The following DENND6B variants were observed in gnomAD, a reference collection of about 807,000 sequenced individuals.
DENND6B encodes the protein protein DENND6B.
In DENND6B, 73 loss-of-function variants were observed where a neutral mutation model predicts 85.1. That is an observed-to-expected ratio of 0.86 (90% CI 0.71 to 1.04). The LOEUF is 1.04. DENND6B is among the 50% of genes least tolerant of loss of function. The probability of loss-of-function intolerance (pLI) is 0.00; values close to 1 mark genes in which losing one functional copy is unlikely to be tolerated. For synonymous variants in DENND6B, 357 were observed against 329.3 expected (o/e 1.08, Z -0.91); for missense variants, 715 against 785.8 (o/e 0.91, Z 1.08).
At chr22:50,322,619 C>T (rs961956527) in intron 1 of DENND6B, among the ~76,000 whole-genome samples, 5 of 151,440 alleles carry the variant, frequency 3.3e-5, no homozygotes, top group African/African-American at 7.3e-5. Context: ...GCGTGATCTC[C>T]GCTCACTGCA....
rs530302697 is a variant in DENND6B at position 50,316,991 on chromosome 22, G to A, written c.453+302C>T. On this transcript the variant is annotated intron_variant, in intron 5 of 19. Transcript: ENST00000413817. ...CGGCGAGGACAGGGCGGGGGGCCCC[G>A]AGGACAGGGTGGGGGGGGGCGGCGA... The A allele has an allele frequency of 7.5e-5, 5 of 67,078 alleles. No individual in the cohort carries two copies. In the African/African-American group the frequency reaches 2.4e-3, roughly 32 times the overall value. 4.2% of individuals were successfully genotyped at this position (67,078 alleles called of 1,614,324 possible). A position where few individuals can be genotyped will look rare whatever the true frequency, so the allele number is the denominator to read the frequency against.
At chr22:50,317,512 C>T in intron 4 of DENND6B, 139 bp from the exon 5 acceptor site, 12 of 980,594 alleles carry the variant, frequency 1.2e-5, no homozygotes, top group Admixed American at 4.1e-5. Context: ...AGCTGCTGTC[C>T]GTGCACTCTG....
chr22:50,320,163 C>T (rs939362116), intron 1 of DENND6B, among the ~76,000 whole-genome samples: 1 of 152,232 alleles, frequency 6.6e-6, no homozygotes, highest in African/African-American at 2.4e-5. Flanking sequence ...AAGGCTTCTT[C>T]CAAGGTGTGC....
intron 15 of DENND6B, 59 bp from the exon 16 acceptor site, chr22:50,313,558 C>T (rs536110566): frequency 8.4e-5 from 120 of 1,427,352 alleles, no homozygotes; most frequent in African/African-American, 7.3e-4. Context: ...CCCCATCCCC[C>T]GCAGCCCCGT....
Position 50,312,215 on chromosome 22 carries a change from T to A in DENND6B, c.1682A>T (p.Gln561Leu). ...HQLPVKEATL[Q>L]RAQLYIETVI... ...CGTCTCGATGTACAGCTGTGCCCGC[T>A]GCAGCGTAGCCTCCTTCACAGGGAG... Residue 561 changes from glutamine to leucine, a missense_variant, in exon 20 of 20, where the codon CAG becomes CTG. Transcript: ENST00000413817. The A allele has an allele frequency of 6.2e-7, 1 of 1,612,406 alleles. No individual in the cohort carries two copies.
At chr22:50,314,558 A>G (rs756459652) in intron 11 of DENND6B, 47 bp downstream of exon 11, 6 of 1,554,338 alleles carry the variant, frequency 3.9e-6, no homozygotes, top group Non-Finnish European at 5.2e-6. Flanking sequence ...GAAGGGCGAG[A>G]GGCAGGGCGG....
At chr22:50,324,327 A>G (rs2042134401) in intron 1 of DENND6B, among the ~76,000 whole-genome samples, 1 of 152,222 alleles carries the variant, frequency 6.6e-6, no homozygotes, top group Admixed American at 6.5e-5. Context: ...TCACTGGCAC[A>G]TAGTGTGAAC....
chr22:50,318,748 G>A, intron 3 of DENND6B, 99 bp downstream of exon 3: 1 of 1,531,680 alleles, frequency 6.5e-7, no homozygotes, highest in African/African-American at 1.4e-5. Flanking sequence ...GGCACTCTGG[G>A]CACCGGGGCA....
chr22:50,316,748 G>A (rs2041833733), intron 5 of DENND6B: 4 of 1,389,832 alleles, frequency 2.9e-6, no homozygotes, highest in Non-Finnish European at 3.8e-6. Context: ...AGAATTTCTA[G>A]AACGACCTCC....
chr22:50,311,691 TCCCATC>T lies in DENND6B; in HGVS notation c.*442_*447del, dbSNP rs2068062495. 2 of 186,982 alleles carry T rather than the reference TCCCATC, an allele frequency of 1.1e-5. No individual in the cohort carries two copies. Among genetic ancestry groups the T allele is most frequent in the African/African-American group, 4.7e-5 (2 of 42,516 alleles). 11.6% of individuals were successfully genotyped at this position (186,982 alleles called of 1,614,324 possible). A position where few individuals can be genotyped will look rare whatever the true frequency, so the allele number is the denominator to read the frequency against. ...GTTGATGACTATATGCAAAATAGCC[TCCCATC>T]CCCAGACAAGACGGGGGCTGTGTCA... On this transcript the variant is annotated 3_prime_UTR_variant, in exon 20 of 20. Coordinates refer to ENST00000413817, the MANE Select transcript of DENND6B (RefSeq NM_001001794.4).
rs372769834 is a variant in DENND6B at position 50,314,825 on chromosome 22, G to T, written c.855C>A (p.Ser285=). The change falls in exon 10 of 20, where the codon TCC becomes TCA. Residue 285 remains serine (S), a synonymous_variant. Coordinates refer to ENST00000413817, the MANE Select transcript of DENND6B (RefSeq NM_001001794.4). ...LLVLAPSPDV[S]SEMVLALTSC... is the part of the protein sequence containing the mutation. ...TGGTCAAGGCCAGCACCATCTCCGA[G>T]GACACGTCGGGCGAGGGTGCCAGGA... is the stretch of plus-strand genomic sequence containing the variant. 1.6e-4 allele frequency: 261 copies of T among 1,610,142 alleles called. No homozygotes were observed. The African/African-American group carries it at 3.2e-3, about 20-fold the overall frequency.
At chr22:50,314,372 A>G in intron 12 of DENND6B, 28 bp downstream of exon 12, 1 of 1,565,074 alleles carries the variant, frequency 6.4e-7, no homozygotes, top group Non-Finnish European at 8.7e-7. Context: ...TCTGAGCAGC[A>G]CCCCCTGCAC....
Position 50,309,592 on chromosome 22 carries a change from G to A in DENND6B, c.*2547C>T, listed in dbSNP as rs1359861549. The A allele has an allele frequency of 6.6e-6, 1 of 152,314 alleles. No homozygotes were observed. The highest frequency in any genetic ancestry group is 1.5e-5 in the Non-Finnish European group (1 of 68,124). The allele number at this position is 152,314 out of a possible 1,614,324, so 9.4% of individuals were successfully genotyped here. On this transcript the variant is annotated 3_prime_UTR_variant, in exon 20 of 20. Transcript: ENST00000413817. ...AGGTGGGGACAGGCCCTGAGGAAGA[G>A]GGGCTGGGACACTACCCCCCACCTT...
chr22:50,315,342 T>C (rs1201614102), intron 9 of DENND6B, among the ~76,000 whole-genome samples: 1 of 152,186 alleles, frequency 6.6e-6, no homozygotes, highest in Non-Finnish European at 1.5e-5. Flanking sequence ...TGCAGACTTG[T>C]CCAGAGGCAG....
rs1203532165 is a variant in DENND6B, at chr22:50,317,056, G to A, written c.453+237C>T. 5 of 225,154 alleles carry A rather than the reference G, an allele frequency of 2.2e-5. No homozygotes were observed. The African/African-American group carries it at 3.6e-4, about 16-fold the overall frequency. 13.9% of individuals were successfully genotyped at this position (225,154 alleles called of 1,614,324 possible). The stretch of plus-strand genomic sequence containing the variant: ...CGGCGAGGACAGGGCGGGGGGCCGC[G>A]AGGACAGGGTGGGGGGGGGCGGCGA... On this transcript the variant is annotated intron_variant, in intron 5 of 19. Transcript: ENST00000413817.
At chr22:50,316,287 C>G (rs1329227194) in intron 6 of DENND6B, 34 bp from the exon 7 acceptor site, 1 of 1,574,178 alleles carries the variant, frequency 6.4e-7, no homozygotes, top group Admixed American at 1.9e-5. Context: ...AGGACCCTCC[C>G]CAAGGAGAAG....
At chr22:50,323,484 C>T (rs1350089476) in intron 1 of DENND6B, among the ~76,000 whole-genome samples, 1 of 151,860 alleles carries the variant, frequency 6.6e-6, no homozygotes, top group African/African-American at 2.4e-5. Context: ...CAGGGTTTCA[C>T]CATGTTGCCC....
rs113856947 is a variant in DENND6B, at chr22:50,314,834, G to A, written c.846C>T (p.Pro282=). ...GEPLLVLAPS[P]DVSSEMVLAL... ...CCAGCACCATCTCCGAGGACACGTC[G>A]GGCGAGGGTGCCAGGACTAGCAGGG... The change falls in exon 10 of 20, where the codon CCC becomes CCT. Residue 282 remains proline, a synonymous_variant. Transcript: ENST00000413817. The A allele has an allele frequency of 6.0e-3, 9,708 of 1,610,834 alleles. 51 individuals are homozygous for A. The highest frequency in any genetic ancestry group is 0.015 in the Middle Eastern group (90 of 6,058).
At chr22:50,325,812 A>C (rs1202532618) in intron 1 of DENND6B, among the ~76,000 whole-genome samples, 5 of 152,232 alleles carry the variant, frequency 3.3e-5, no homozygotes, top group African/African-American at 1.2e-4. Context: ...GAGGGGCTCC[A>C]GAGAGTGCTA....
Sources: gnomAD v4.1 joint callset for allele counts (sites outside exome capture counted in the v4.1 genomes callset) on GRCh38, gnomAD v4.1.1 for gene constraint, MANE v1.5 for transcripts, NCBI Gene and HGNC (gene_info 2026-07-23, HGNC 2026-07-21) for gene names.